XXYLT1: variants seen among roughly 807,000 people sequenced by gnomAD.
XXYLT1 encodes UDP-xylose:alpha-xyloside alpha-1,3-xylosyltransferase.
A neutral mutation model predicts 28.9 loss-of-function variants in XXYLT1; 20 were observed. That is an observed-to-expected ratio of 0.69 (90% CI 0.49 to 1.00). The LOEUF is 1.00. XXYLT1 is among the 50% of genes least tolerant of loss of function. The pLI, the probability that XXYLT1 is intolerant of heterozygous loss-of-function variation, is 0.00. For missense variants in XXYLT1, 542 were observed against 560.1 expected, an observed-to-expected ratio of 0.97 and a Z score of 0.33; for synonymous variants, 257 against 253.8, an observed-to-expected ratio of 1.01 and a Z score of -0.12.
Position 195,078,980 on chromosome 3 carries a change from A to G in XXYLT1, c.786-8869T>C, listed in dbSNP as rs1576999564. On this transcript the variant is annotated intron_variant, in intron 3 of 3. Transcript: ENST00000310380. The surrounding 1 kb of genome is among the most constrained non-coding windows in gnomAD (Gnocchi z 5.0). The stretch of plus-strand genomic sequence containing the variant: ...GACGCACTCTGCTCCAGTGATGGGA[A>G]CTGAGATCCCTCTCTGGCGGCAACG... Among the ~76,000 whole-genome samples, 2 of 152,180 alleles carry G rather than the reference A, an allele frequency of 1.3e-5. No homozygotes were observed. The highest frequency in any genetic ancestry group is 3.9e-4 in the East Asian group (2 of 5,194).
chr3:195,154,751 TATTTC>T (rs1275783747), intron 3 of XXYLT1, among the ~76,000 whole-genome samples: 1 of 152,210 alleles, frequency 6.6e-6, no homozygotes, highest in African/African-American at 2.4e-5. Context: ...AAGTGTACTT[TATTTC>T]CTTTCATTCC....
chr3:195,252,768 GTTAT>G (rs1437202512), intron 1 of XXYLT1, among the ~76,000 whole-genome samples: 2 of 148,392 alleles, frequency 1.3e-5, no homozygotes, highest in Non-Finnish European at 3.0e-5. Flanking sequence ...TCACTGTGGT[GTTAT>G]TTATTGTGTG....
chr3:195,212,648 C>A (rs1355149265), intron 2 of XXYLT1, among the ~76,000 whole-genome samples: 1 of 152,196 alleles, frequency 6.6e-6, no homozygotes, highest in Non-Finnish European at 1.5e-5. Flanking sequence ...CTGTGAACTG[C>A]GCATGCGAGG....
chr3:195,186,659 A>G (rs1338010473), intron 2 of XXYLT1, among the ~76,000 whole-genome samples: 2 of 151,192 alleles, frequency 1.3e-5, no homozygotes, highest in Admixed American at 1.3e-4. Context: ...CAGCACCTGG[A>G]CTTCCCCTTC....
chr3:195,164,318 G>A (rs568953393), intron 2 of XXYLT1, among the ~76,000 whole-genome samples: 1 of 152,334 alleles, frequency 6.6e-6, no homozygotes, highest in African/African-American at 2.4e-5. Context: ...TGCTGCAGTG[G>A]AGCCGCTGCT....
intron 3 of XXYLT1, among the ~76,000 whole-genome samples, chr3:195,111,502 G>C (rs73890680): frequency 6.6e-6 from 1 of 152,088 alleles, no homozygotes; most frequent in African/African-American, 2.4e-5. Context: ...GGCTGGGCCT[G>C]TGTGTATCTC....
intron 1 of XXYLT1, among the ~76,000 whole-genome samples, chr3:195,258,380 T>A (rs541709226): frequency 6.6e-6 from 1 of 152,310 alleles, no homozygotes; most frequent in East Asian, 1.9e-4. Flanking sequence ...AAAATGACTA[T>A]AAACAGTTAC....
intron 2 of XXYLT1, among the ~76,000 whole-genome samples, chr3:195,193,817 C>G (rs1391451538): frequency 6.6e-6 from 1 of 152,076 alleles, no homozygotes; most frequent in Non-Finnish European, 1.5e-5. Context: ...GGGTAAAGGA[C>G]AGTCAATTAG....
intron 2 of XXYLT1, among the ~76,000 whole-genome samples, chr3:195,166,065 C>T (rs537650302): frequency 2.0e-5 from 3 of 151,912 alleles, no homozygotes; most frequent in Admixed American, 6.6e-5. Context: ...AGGACTGGCC[C>T]CTGTGCTGAG....
intron 3 of XXYLT1, among the ~76,000 whole-genome samples, chr3:195,097,823 C>G (rs1016412445): frequency 3.9e-5 from 6 of 152,244 alleles, no homozygotes; most frequent in African/African-American, 7.2e-5. Flanking sequence ...CCCCACCCCC[C>G]CACCACGCAC....
chr3:195,109,693 G>GGTGT (rs1410737232), intron 3 of XXYLT1, among the ~76,000 whole-genome samples: 4 of 52,068 alleles, frequency 7.7e-5, no homozygotes, highest in Admixed American at 1.9e-4. Context: ...GAGTGTGTGT[G>GGTGT]GTGTCTGGTG....
chr3:195,073,157 C>T (rs1045366766), intron 3 of XXYLT1, among the ~76,000 whole-genome samples: 6 of 152,200 alleles, frequency 3.9e-5, no homozygotes, highest in South Asian at 2.1e-4. Flanking sequence ...CTGACTGCCT[C>T]GGATTCCACG....
intron 2 of XXYLT1, among the ~76,000 whole-genome samples, chr3:195,178,305 A>C (rs940603045): frequency 5.9e-5 from 9 of 152,070 alleles, no homozygotes; most frequent in Non-Finnish European, 1.0e-4. Context: ...CCTAACCGCT[A>C]ATCACCATAC....
intron 2 of XXYLT1, among the ~76,000 whole-genome samples, chr3:195,212,753 C>A (rs375099028): frequency 7.2e-5 from 11 of 152,298 alleles, no homozygotes; most frequent in Admixed American, 6.5e-4. Context: ...AACCACCCCT[C>A]GGTCCACTGA....
At chr3:195,187,111 G>A (rs1054683396) in intron 2 of XXYLT1, among the ~76,000 whole-genome samples, 10 of 151,022 alleles carry the variant, frequency 6.6e-5, no homozygotes, top group South Asian at 2.1e-4. Flanking sequence ...GGTGGCGGGC[G>A]CCTGTAGTCC....
At chr3:195,250,263 C>A (rs1472138320) in intron 1 of XXYLT1, among the ~76,000 whole-genome samples, 1 of 152,176 alleles carries the variant, frequency 6.6e-6, no homozygotes, top group South Asian at 2.1e-4. Context: ...CCTGCCCATC[C>A]AATTAAAAAC....
intron 3 of XXYLT1, among the ~76,000 whole-genome samples, chr3:195,140,696 G>C (rs1317847614): frequency 6.6e-6 from 1 of 151,986 alleles, no homozygotes; most frequent in Non-Finnish European, 1.5e-5. Flanking sequence ...CAAGAAGGGG[G>C]AAGCACTACA....
At chr3:195,242,651 G>A (rs1017266244) in intron 1 of XXYLT1, among the ~76,000 whole-genome samples, 2 of 152,196 alleles carry the variant, frequency 1.3e-5, no homozygotes, top group African/African-American at 4.8e-5. Flanking sequence ...GCTGGAGGAG[G>A]TGGGGTCTGA....
chr3:195,227,661 G>A (rs996155745), intron 1 of XXYLT1, among the ~76,000 whole-genome samples: 2 of 152,132 alleles, frequency 1.3e-5, no homozygotes, highest in Non-Finnish European at 1.5e-5. Flanking sequence ...AAATAAGGAC[G>A]CAGACACTCA....
Sources: gnomAD v4.1 joint callset for allele counts (sites outside exome capture counted in the v4.1 genomes callset) on GRCh38, gnomAD v4.1.1 for gene constraint, Gnocchi (gnomAD v3.1) non-coding constraint, MANE v1.5 for transcripts, NCBI Gene and HGNC (gene_info 2026-07-23, HGNC 2026-07-21) for gene names.